The following SNUPN variants were observed in gnomAD, a reference collection of about 807,000 sequenced individuals.
SNUPN encodes snurportin 1, also known as snurportin-1.
Under a neutral mutation model 39.2 loss-of-function variants are expected in SNUPN, and 31 were observed. That is an observed-to-expected ratio of 0.79 (90% CI 0.59 to 1.07). The LOEUF (loss-of-function observed/expected upper bound fraction) is 1.07, where lower values mean the gene tolerates loss of function less well. Ranked by LOEUF, SNUPN falls within the 50% of genes least tolerant of loss-of-function variation. The pLI is 0.00. For synonymous variants in SNUPN, 132 were observed against 159.0 expected, an observed-to-expected ratio of 0.83 and a Z score of 1.28; for missense variants, 382 against 434.2, an observed-to-expected ratio of 0.88 and a Z score of 1.07.
chr15:75,613,003 T>C (rs1381054823), intron 3 of SNUPN, among the ~76,000 whole-genome samples: 1 of 151,842 alleles, frequency 6.6e-6, no homozygotes, highest in Non-Finnish European at 1.5e-5. Context: ...AATAAAAAGA[T>C]AAATAACTCA....
At chr15:75,615,844 G>A (rs1000565158) in intron 3 of SNUPN, among the ~76,000 whole-genome samples, 20 of 150,796 alleles carry the variant, frequency 1.3e-4, no homozygotes, top group Non-Finnish European at 2.8e-4. Flanking sequence ...TCCTGACCTC[G>A]TGATCCACCC....
chr15:75,625,744 T>TCCCCCCGCCCC (rs1312295759), upstream of SNUPN: 2 of 134,170 alleles, frequency 1.5e-5, no homozygotes, highest in Non-Finnish European at 3.2e-5. Context: ...AGGTCCGCCC[T>TCCCCCCGCCCC]CCCCCCGCCC....
Position 75,598,595 on chromosome 15 carries a change from C to T in SNUPN, c.846G>A (p.Val282=). 1 of 1,614,212 alleles carries T rather than the reference C, an allele frequency of 6.2e-7. No homozygotes were observed. Among genetic ancestry groups the T allele is most frequent in the Non-Finnish European group, 8.5e-7 (1 of 1,180,038 alleles). The stretch of plus-strand genomic sequence containing the variant: ...GCACAGCTACACCAAGGACATCTGA[C>T]ACCATGTAGGGGCGCAGCCAGCCCA... ...PLVGWLRPYM[V]SDVLGVAVPA... is the part of the protein sequence containing the mutation. The change falls in exon 9 of 9, where the codon GTG becomes GTA. Residue 282 remains valine (V), a synonymous_variant. Transcript: ENST00000308588.
At chr15:75,624,663 A>G (rs974622377) in intron 1 of SNUPN, 1 of 1,152,328 alleles carries the variant, frequency 8.7e-7, no homozygotes, top group South Asian at 1.7e-5. Flanking sequence ...TCGTCTCAAA[A>G]AGAAAAAAAA....
At chr15:75,623,208 G>T (rs1001542577) in intron 1 of SNUPN, among the ~76,000 whole-genome samples, 1 of 151,936 alleles carries the variant, frequency 6.6e-6, no homozygotes, top group South Asian at 2.1e-4. Context: ...ACAATGGCAC[G>T]ATCTTGGCTC....
intron 2 of SNUPN, 100 bp from the exon 3 acceptor site, chr15:75,617,652 G>T: frequency 1.5e-6 from 2 of 1,313,162 alleles, no homozygotes; most frequent in Non-Finnish European, 1.0e-6. Flanking sequence ...TGCAATCTCA[G>T]CTCACTGCAG....
Position 75,612,125 on chromosome 15 carries a change from C to G in SNUPN, c.304-2131G>C, listed in dbSNP as rs539861385. Among the ~76,000 whole-genome samples the G allele has an allele frequency of 1.5e-3, 224 of 151,990 alleles. 1 individual carries two copies. The highest frequency in any genetic ancestry group is 2.2e-3 in the Non-Finnish European group (148 of 67,974). ...TCGGTTCACTGCAACCTCCACCTCC[C>G]GGGTTCAAGCGATCCTCCCATTTTA... is the stretch of plus-strand genomic sequence containing the variant. On this transcript the variant is annotated intron_variant, in intron 3 of 8. Transcript: ENST00000308588.
At chr15:75,603,275 C>T (rs1357240325) in intron 7 of SNUPN, among the ~76,000 whole-genome samples, 2 of 147,754 alleles carry the variant, frequency 1.4e-5, no homozygotes, top group Non-Finnish European at 3.0e-5. Context: ...TCTCGATCTC[C>T]TGACCTCGTG....
At chr15:75,624,809 G>C (rs1317414526) in intron 1 of SNUPN, 53 of 1,150,328 alleles carry the variant, frequency 4.6e-5, no homozygotes, top group Non-Finnish European at 5.8e-5. Context: ...TTTCGCTCTT[G>C]TTGCCCAGGC....
At chr15:75,615,753 C>T (rs1156454262) in intron 3 of SNUPN, among the ~76,000 whole-genome samples, 1 of 151,848 alleles carries the variant, frequency 6.6e-6, no homozygotes, top group Admixed American at 6.6e-5. Flanking sequence ...AGGCGCCTGC[C>T]ACCACCACGC....
At chr15:75,612,687 C>G (rs1335469365) in intron 3 of SNUPN, among the ~76,000 whole-genome samples, 1 of 152,052 alleles carries the variant, frequency 6.6e-6, no homozygotes, top group Non-Finnish European at 1.5e-5. Context: ...GCACCGAAAA[C>G]TCAGTATATC....
At chr15:75,617,663 C>T in intron 2 of SNUPN, 111 bp from the exon 3 acceptor site, 4 of 1,196,318 alleles carry the variant, frequency 3.3e-6, no homozygotes, top group Non-Finnish European at 4.6e-6. Flanking sequence ...CTCACTGCAG[C>T]CTCAACCTCC....
In SNUPN at chr15:75,599,915, A is replaced by G. The variant is rs1437865647; in HGVS notation, c.759+1223T>C. Reference sequence around the variant, plus strand: ...CAGTGGAGTGCGGTGGTGCGATCTCAGCTCAGTGCAACCTCCGCCTCCCGG... The same window carrying G: ...CAGTGGAGTGCGGTGGTGCGATCTCGGCTCAGTGCAACCTCCGCCTCCCGG... On this transcript the variant is annotated intron_variant, in intron 8 of 8. Transcript: ENST00000308588. 2.7e-5 allele frequency among the ~76,000 whole-genome samples: 4 copies of G among 149,492 alleles called. No individual in the cohort carries two copies. In the Admixed American group the frequency reaches 2.7e-4, roughly 10 times the overall value.
intron 3 of SNUPN, 51 bp downstream of exon 3, chr15:75,617,357 A>G (rs765099293): frequency 6.3e-7 from 1 of 1,580,102 alleles, no homozygotes; most frequent in South Asian, 1.2e-5. Flanking sequence ...CTTTGACTGC[A>G]TAGTAAAGGG....
At chr15:75,617,862 C>T (rs1414455341) in intron 2 of SNUPN, among the ~76,000 whole-genome samples, 1 of 152,168 alleles carries the variant, frequency 6.6e-6, no homozygotes, top group Non-Finnish European at 1.5e-5. Context: ...GATTATTAGG[C>T]ATGAACCACC....
intron 7 of SNUPN, among the ~76,000 whole-genome samples, chr15:75,603,468 T>C (rs563728058): frequency 6.7e-6 from 1 of 149,388 alleles, no homozygotes; most frequent in Admixed American, 6.7e-5. Context: ...GACACCATCC[T>C]TGCTAACACA....
intron 8 of SNUPN, among the ~76,000 whole-genome samples, chr15:75,599,598 C>T (rs142542996): frequency 7.9e-5 from 12 of 152,304 alleles, no homozygotes; most frequent in East Asian, 1.9e-4. Flanking sequence ...TTTTTCTCAA[C>T]GGGAAGACCT....
intron 3 of SNUPN, among the ~76,000 whole-genome samples, chr15:75,613,419 C>T (rs538771323): frequency 4.0e-5 from 6 of 151,198 alleles, no homozygotes; most frequent in South Asian, 2.1e-4. Flanking sequence ...CCGAGGTGGG[C>T]GGATCACAAA....
At chr15:75,617,167 T>C (rs973034416) in intron 3 of SNUPN, among the ~76,000 whole-genome samples, 50 of 152,372 alleles carry the variant, frequency 3.3e-4, no homozygotes, top group African/African-American at 1.2e-3. Flanking sequence ...CACAGGCTAA[T>C]AGTTCCCAAA....
Sources: allele counts gnomAD v4.1 joint callset (sites outside exome capture counted in the v4.1 genomes callset), GRCh38; gene constraint gnomAD v4.1.1; transcripts MANE v1.5; gene names NCBI Gene and HGNC (gene_info 2026-07-23, HGNC 2026-07-21).